XRCC5: variants seen among roughly 807,000 people sequenced by gnomAD.
XRCC5 encodes the protein DNA repair protein Ku80.
XRCC5 carries 12 observed loss-of-function variants against 95.7 expected under a neutral mutation model. That is an observed-to-expected ratio of 0.13 (90% CI 0.08 to 0.20). XRCC5 has a LOEUF of 0.20. Among genes scored for constraint, XRCC5 ranks in the 10% least tolerant of loss-of-function variants. XRCC5 has a pLI of 1.00. For synonymous variants in XRCC5, 281 were observed against 290.3 expected, an observed-to-expected ratio of 0.97 and a Z score of 0.33; for missense variants, 595 against 873.9, an observed-to-expected ratio of 0.68 and a Z score of 4.02.
chr2:216,126,343 C>T, intron 7 of XRCC5, among the ~76,000 whole-genome samples: 1 of 152,078 alleles, frequency 6.6e-6, no homozygotes, highest in East Asian at 1.9e-4. Context: ...ATGCATTAAG[C>T]TGTGTTATTG....
chr2:216,187,850 CTCTCTCTCT>C (rs1559261331), intron 16 of XRCC5, among the ~76,000 whole-genome samples: 3 of 138,206 alleles, frequency 2.2e-5, no homozygotes, highest in African/African-American at 9.0e-5. Context: ...CTCTCTCTCT[CTCTCTCTCT>C]CTCCCCGTCT....
chr2:216,140,628 A>G (rs1195219967), intron 12 of XRCC5, among the ~76,000 whole-genome samples: 1 of 152,204 alleles, frequency 6.6e-6, no homozygotes, highest in African/African-American at 2.4e-5. Context: ...GAGTAGTGTC[A>G]TGGAGGCATT....
At chr2:216,117,054 T>A (rs1696710828) in intron 3 of XRCC5, 4 of 587,052 alleles carry the variant, frequency 6.8e-6, no homozygotes, top group Non-Finnish European at 1.2e-5. Flanking sequence ...CACTTCCCTG[T>A]TCTCTGCATG....
At chr2:216,121,388 C>T (rs181513224) in intron 5 of XRCC5, among the ~76,000 whole-genome samples, 121 of 152,210 alleles carry the variant, frequency 7.9e-4, no homozygotes, top group Admixed American at 3.3e-3. Context: ...TTCTGGAGGC[C>T]GGGAAGTCCA....
At chr2:216,121,809 C>T (rs1156292353) in intron 5 of XRCC5, among the ~76,000 whole-genome samples, 2 of 152,158 alleles carry the variant, frequency 1.3e-5, no homozygotes, top group African/African-American at 4.8e-5. Context: ...TGGGTCTGGA[C>T]TTCCTAAGGC....
intron 19 of XRCC5, among the ~76,000 whole-genome samples, chr2:216,202,957 G>T (rs1327304379): frequency 1.3e-5 from 2 of 152,124 alleles, no homozygotes; most frequent in African/African-American, 4.8e-5. Flanking sequence ...ATATTTCATG[G>T]TTGACTTTGG....
chr2:216,166,244 G>A (rs906498307), intron 16 of XRCC5, among the ~76,000 whole-genome samples: 25 of 151,836 alleles, frequency 1.6e-4, no homozygotes, highest in African/African-American at 5.8e-4. Flanking sequence ...CCTCCACCCC[G>A]CCAAGTACCT....
chr2:216,130,170 T>C (rs182873215), intron 8 of XRCC5, among the ~76,000 whole-genome samples: 205 of 151,386 alleles, frequency 1.4e-3, no homozygotes, highest in Non-Finnish European at 2.5e-3. Flanking sequence ...CCACAAAACA[T>C]AGAAGATACT....
intron 14 of XRCC5, chr2:216,156,767 G>A (rs1235341888): frequency 1.9e-6 from 1 of 530,364 alleles, no homozygotes; most frequent in Non-Finnish European, 3.8e-6. Context: ...TTGGAACAAA[G>A]TCTATGTCCA....
intron 19 of XRCC5, among the ~76,000 whole-genome samples, chr2:216,196,849 C>T (rs1689731583): frequency 6.6e-6 from 1 of 152,142 alleles, no homozygotes; most frequent in African/African-American, 2.4e-5. Context: ...AACTGGGGAC[C>T]ATAGCCCAGC....
At chr2:216,119,230 T>G in intron 5 of XRCC5, 65 bp downstream of exon 5, 8 of 1,565,132 alleles carry the variant, frequency 5.1e-6, no homozygotes, top group Non-Finnish European at 7.0e-6. Context: ...GAATGGGCCC[T>G]CTGTATAGAG....
intron 14 of XRCC5, among the ~76,000 whole-genome samples, chr2:216,149,632 C>G (rs890369103): frequency 2.0e-5 from 3 of 152,076 alleles, no homozygotes; most frequent in Non-Finnish European, 4.4e-5. Context: ...ATCTCCAGTC[C>G]GTGATCTTGA....
chr2:216,148,774 A>C (rs1176121868), intron 14 of XRCC5, among the ~76,000 whole-genome samples: 1 of 152,112 alleles, frequency 6.6e-6, no homozygotes, highest in Non-Finnish European at 1.5e-5. Context: ...TGGTTGTGCT[A>C]TTGGGGAGGT....
intron 2 of XRCC5, among the ~76,000 whole-genome samples, chr2:216,113,501 TC>T (rs1334229603): frequency 6.6e-6 from 1 of 152,250 alleles, no homozygotes; most frequent in Admixed American, 6.5e-5. Flanking sequence ...AGTTCAGTTA[TC>T]TTTTGCTGTG....
At chr2:216,157,560 GAGAT>G (rs1166833077) in intron 14 of XRCC5, among the ~76,000 whole-genome samples, 2 of 94,760 alleles carry the variant, frequency 2.1e-5, no homozygotes, top group Non-Finnish European at 2.3e-5. Flanking sequence ...TCCTCTGAAA[GAGAT>G]AGGCCTATCA....
intron 14 of XRCC5, among the ~76,000 whole-genome samples, chr2:216,156,985 G>A (rs985980655): frequency 2.6e-5 from 4 of 152,166 alleles, no homozygotes; most frequent in Admixed American, 6.5e-5. Context: ...AGAAGGGGTC[G>A]TGAAGGATCC....
At chr2:216,116,294 A>G (rs1431807998) in intron 2 of XRCC5, among the ~76,000 whole-genome samples, 1 of 151,986 alleles carries the variant, frequency 6.6e-6, no homozygotes, top group African/African-American at 2.4e-5. Context: ...CCTCTGGAAA[A>G]TTTAAACCTT....
At chr2:216,167,993 C>T (rs549390695) in intron 16 of XRCC5, among the ~76,000 whole-genome samples, 4 of 152,052 alleles carry the variant, frequency 2.6e-5, no homozygotes, top group Admixed American at 1.3e-4. Flanking sequence ...TTCTTTTTGA[C>T]TCATTTTAAA....
Position 216,161,988 on chromosome 2 carries a change from G to A in XRCC5, c.1774G>A (p.Val592Met). 6.2e-7 allele frequency: 1 copy of A among 1,614,142 alleles called. No homozygotes were observed. Among genetic ancestry groups the A allele is most frequent in the Non-Finnish European group, 8.5e-7 (1 of 1,179,966 alleles). The change falls in exon 16 of 21, where the codon GTG becomes ATG. Residue 592 changes from valine (V) to methionine (M), a missense_variant. Around this residue, in one of 2 missense-constraint regions of XRCC5, gnomAD observed 309 missense variants for 382.9 expected, o/e 0.81. Coordinates refer to ENST00000392132, the MANE Select transcript of XRCC5 (RefSeq NM_021141.4). ...TGTTGGTATATTTTAGGTTGGAAGT[G>A]TGAATCCTGCTGAAAACTTCCGTGT... ...AEGSVTSVGS[V>M]NPAENFRVLV...
Sources: gnomAD v4.1 joint callset for allele counts (sites outside exome capture counted in the v4.1 genomes callset) on GRCh38, gnomAD v4.1.1 for gene constraint, gnomAD v4.1.1 regional missense constraint, MANE v1.5 for transcripts, NCBI Gene and HGNC (gene_info 2026-07-23, HGNC 2026-07-21) for gene names.